Variants in SMYD2 observed in about 807,000 individuals in gnomAD.
SMYD2 encodes N-lysine methyltransferase SMYD2.
A neutral mutation model predicts 59.1 loss-of-function variants in SMYD2; 53 were observed. The ratio of observed to expected loss-of-function variants is 0.90; its 90% CI spans 0.72 to 1.13. The LOEUF (loss-of-function observed/expected upper bound fraction) is 1.13, where lower values mean the gene tolerates loss of function less well. Among genes scored for constraint, SMYD2 ranks in the 50% most tolerant of loss-of-function variants. The pLI is 0.00. For synonymous variants in SMYD2, 208 were observed against 198.8 expected (o/e 1.05, Z -0.39); for missense variants, 494 against 544.7 (o/e 0.91, Z 0.93).
chr1:214,287,473 G>T (rs35539785), intron 1 of SMYD2, among the ~76,000 whole-genome samples: 1 of 150,960 alleles, frequency 6.6e-6, no homozygotes, highest in Non-Finnish European at 1.5e-5. Context: ...TGTAATCCCA[G>T]CTACTTGGGA....
chr1:214,319,199 T>G (rs968654677), intron 5 of SMYD2, among the ~76,000 whole-genome samples: 4 of 151,936 alleles, frequency 2.6e-5, no homozygotes, highest in African/African-American at 9.7e-5. Context: ...ATGGGTGGAG[T>G]GTAGGAAATT....
intron 1 of SMYD2, among the ~76,000 whole-genome samples, chr1:214,284,530 C>T (rs999049536): frequency 2.0e-5 from 3 of 150,230 alleles, no homozygotes; most frequent in East Asian, 2.0e-4. Context: ...GCCACTGCGC[C>T]GGGCCAAGTA....
intron 1 of SMYD2, among the ~76,000 whole-genome samples, chr1:214,294,687 AAC>A (rs1470976718): frequency 6.6e-6 from 1 of 152,126 alleles, no homozygotes; most frequent in African/African-American, 2.4e-5. Context: ...ACAAACAAAA[AAC>A]ACACATTTTC....
intron 2 of SMYD2, among the ~76,000 whole-genome samples, chr1:214,314,183 A>C (rs1391405336): frequency 6.6e-6 from 1 of 152,286 alleles, no homozygotes; most frequent in East Asian, 1.9e-4. Context: ...CTCAAAAAAA[A>C]AAAAGGAAAG....
intron 2 of SMYD2, among the ~76,000 whole-genome samples, chr1:214,314,069 CAG>C (rs1657041686): frequency 6.6e-6 from 1 of 151,980 alleles, no homozygotes; most frequent in African/African-American, 2.4e-5. Context: ...CTCAGCTACT[CAG>C]GAGGCTGAGG....
At chr1:214,319,884 C>T (rs1160747647) in intron 5 of SMYD2, among the ~76,000 whole-genome samples, 2 of 152,230 alleles carry the variant, frequency 1.3e-5, no homozygotes, top group African/African-American at 4.8e-5. Flanking sequence ...GTGGACACCT[C>T]CATGGTTTTG....
At chr1:214,294,189 T>C (rs1656684145) in intron 1 of SMYD2, among the ~76,000 whole-genome samples, 1 of 152,134 alleles carries the variant, frequency 6.6e-6, no homozygotes, top group African/African-American at 2.4e-5. Context: ...GAAAGAAAAA[T>C]GTCTGCTAAA....
intron 7 of SMYD2, among the ~76,000 whole-genome samples, chr1:214,329,249 G>GT (rs1180603010): frequency 1.3e-5 from 2 of 152,188 alleles, no homozygotes; most frequent in African/African-American, 4.8e-5. Context: ...AACGTGTCCA[G>GT]TACCTCCCCA....
rs773547635 is a variant in SMYD2, at chr1:214,332,002, C to CT, written c.938-14dup. The CT allele has an allele frequency of 6.2e-7, 1 of 1,607,646 alleles. No homozygotes were observed. The highest frequency in any genetic ancestry group is 8.5e-7 in the Non-Finnish European group (1 of 1,177,592). ...GCAGCTTGGGCCCGGTGGCCCTTTC[C>CT]TTGACTCCACAGCACCCCCTAGTGA... On this transcript the variant is annotated splice_polypyrimidine_tract_variant and intron_variant, in intron 9 of 11. Transcript: ENST00000366957.
At chr1:214,323,935 C>G (rs1198669131) in intron 5 of SMYD2, among the ~76,000 whole-genome samples, 3 of 151,866 alleles carry the variant, frequency 2.0e-5, no homozygotes, top group Admixed American at 6.6e-5. Context: ...TGGATTGATT[C>G]CTTTTTTTTG....
chr1:214,300,602 T>C (rs1023122214), intron 1 of SMYD2, among the ~76,000 whole-genome samples: 1 of 152,212 alleles, frequency 6.6e-6, no homozygotes, highest in African/African-American at 2.4e-5. Flanking sequence ...TATGCTTTGT[T>C]GTTACTATTA....
At chr1:214,297,528 A>T (rs1656754252) in intron 1 of SMYD2, among the ~76,000 whole-genome samples, 1 of 152,186 alleles carries the variant, frequency 6.6e-6, no homozygotes, top group Non-Finnish European at 1.5e-5. Flanking sequence ...CTCAGTCAGC[A>T]ATAGTCGAAC....
In SMYD2 at chr1:214,336,906, C is replaced by A; in HGVS notation, c.*122C>A. ...TAAAATAATTGGAATGAAAATACTTCTTGCACTTAAACACTGCACATGCCG... is the reference window on the plus strand; with the variant it reads ...TAAAATAATTGGAATGAAAATACTTATTGCACTTAAACACTGCACATGCCG... On this transcript the variant is annotated 3_prime_UTR_variant, in exon 12 of 12. Coordinates refer to ENST00000366957, the MANE Select transcript of SMYD2 (RefSeq NM_020197.3). The A allele has an allele frequency of 3.5e-6, 3 of 853,326 alleles. No homozygotes were observed. Among genetic ancestry groups the A allele is most frequent in the Non-Finnish European group, 5.3e-6 (3 of 568,606 alleles). 52.9% of individuals were successfully genotyped at this position (853,326 alleles called of 1,614,324 possible). A position where few individuals can be genotyped will look rare whatever the true frequency, so the allele number is the denominator to read the frequency against.
intron 1 of SMYD2, among the ~76,000 whole-genome samples, chr1:214,300,884 G>A (rs1467494871): frequency 1.3e-5 from 2 of 152,132 alleles, no homozygotes; most frequent in African/African-American, 2.4e-5. Flanking sequence ...AAACTTTCTG[G>A]TTTCAGGGTC....
intron 1 of SMYD2, among the ~76,000 whole-genome samples, chr1:214,289,348 T>G (rs1418999283): frequency 2.0e-5 from 3 of 152,212 alleles, no homozygotes; most frequent in Admixed American, 2.0e-4. Context: ...TATAAAAATA[T>G]GAAATAATTA....
chr1:214,331,289 G>A (rs1270308541), intron 9 of SMYD2: 2 of 583,464 alleles, frequency 3.4e-6, no homozygotes, highest in Non-Finnish European at 5.6e-6. Context: ...GGCTAGTTTG[G>A]CTGGGAGCCC....
intron 1 of SMYD2, among the ~76,000 whole-genome samples, chr1:214,294,250 A>G (rs1463228807): frequency 1.3e-5 from 2 of 152,228 alleles, no homozygotes; most frequent in African/African-American, 4.8e-5. Flanking sequence ...AAAGTCCACA[A>G]TTCGGGGTAA....
chr1:214,305,429 G>A (rs1037831460), intron 2 of SMYD2, among the ~76,000 whole-genome samples, 179 bp downstream of exon 2: 1 of 152,190 alleles, frequency 6.6e-6, no homozygotes, highest in African/African-American at 2.4e-5. Flanking sequence ...GCAGTAAACC[G>A]TTTGAGGCCG....
intron 9 of SMYD2, 145 bp downstream of exon 9, chr1:214,331,215 A>T (rs1330254798): frequency 8.7e-7 from 1 of 1,149,660 alleles, no homozygotes; most frequent in East Asian, 2.6e-5. Flanking sequence ...GTAAAGGCGT[A>T]CTGACCACCC....
Sources: allele counts gnomAD v4.1 joint callset (sites outside exome capture counted in the v4.1 genomes callset), GRCh38; gene constraint gnomAD v4.1.1; transcripts MANE v1.5; gene names NCBI Gene and HGNC (gene_info 2026-07-23, HGNC 2026-07-21).